The following LRRTM4 variants were observed in gnomAD, a reference collection of about 807,000 sequenced individuals.
LRRTM4 encodes leucine rich repeat transmembrane neuronal 4, also known as leucine-rich repeat transmembrane neuronal protein 4.
LRRTM4 carries 25 observed loss-of-function variants against 47.6 expected under a neutral mutation model. The observed-to-expected ratio is 0.53, with a 90% confidence interval of 0.38 to 0.73. The LOEUF is 0.73. Among genes scored for constraint, LRRTM4 ranks in the 30% least tolerant of loss-of-function variants. The pLI, the probability that LRRTM4 is intolerant of heterozygous loss-of-function variation, is 0.00. For synonymous variants in LRRTM4, 311 were observed against 269.5 expected (o/e 1.15, Z -1.51); for missense variants, 638 against 713.4 (o/e 0.89, Z 1.20).
intron 3 of LRRTM4, among the ~76,000 whole-genome samples, chr2:76,962,428 C>A (rs963491702): frequency 6.6e-6 from 1 of 150,804 alleles, no homozygotes. Context: ...TAACAATATA[C>A]TATCTAGATA....
Position 77,519,005 on chromosome 2 carries a change from C to A in LRRTM4, c.864G>T (p.Lys288Asn). 1 of 1,611,710 alleles carries A rather than the reference C, an allele frequency of 6.2e-7. No individual in the cohort carries two copies. ...NLQKLNLDSN[K>N]LTNISQETVN... ...CAGTTTCCTGTGAGATATTGGTGAGCTTGTTGGAATCCAAATTCAATTTTT... is the reference window on the plus strand; with the variant it reads ...CAGTTTCCTGTGAGATATTGGTGAGATTGTTGGAATCCAAATTCAATTTTT... Residue 288 changes from lysine to asparagine, a missense_variant, in exon 3 of 4, where the codon AAG becomes AAT. Coordinates refer to ENST00000409884, the MANE Select transcript of LRRTM4 (RefSeq NM_001134745.3). This position sits in a 1 kb window ranked among gnomAD's most constrained non-coding sequence, Gnocchi z 4.6.
At chr2:76,989,294 T>C (rs1392367917) in intron 3 of LRRTM4, among the ~76,000 whole-genome samples, 3 of 151,774 alleles carry the variant, frequency 2.0e-5, no homozygotes, top group Non-Finnish European at 4.4e-5. Flanking sequence ...ACTTCCCAAA[T>C]TGCTACTAGT....
intron 3 of LRRTM4, among the ~76,000 whole-genome samples, chr2:77,056,969 A>G (rs1200885688): frequency 6.6e-6 from 1 of 152,222 alleles, no homozygotes; most frequent in Non-Finnish European, 1.5e-5. Context: ...GTGCAAAATC[A>G]GGCCTACCAC....
intron 3 of LRRTM4, among the ~76,000 whole-genome samples, chr2:77,249,849 C>G (rs1001582844): frequency 1.3e-5 from 2 of 152,114 alleles, no homozygotes; most frequent in Admixed American, 1.3e-4. Context: ...AACTTACATC[C>G]ACAGAAAAAT....
intron 3 of LRRTM4, among the ~76,000 whole-genome samples, chr2:77,212,635 T>C (rs141354832): frequency 1.3e-5 from 2 of 151,778 alleles, no homozygotes; most frequent in African/African-American, 4.8e-5. Flanking sequence ...AGATGAACTG[T>C]CTTACACCAA....
chr2:77,232,724 A>T (rs1674999597), intron 3 of LRRTM4, among the ~76,000 whole-genome samples: 1 of 152,254 alleles, frequency 6.6e-6, no homozygotes, highest in Non-Finnish European at 1.5e-5. Flanking sequence ...TGTTGCAAAC[A>T]GTCAATACTT....
Position 77,518,690 on chromosome 2 carries a change from G to A in LRRTM4, c.1179C>T (p.Asp393=), listed in dbSNP as rs200395825. The A allele has an allele frequency of 5.6e-6, 9 of 1,613,292 alleles. No individual in the cohort carries two copies. The highest frequency in any genetic ancestry group is 1.1e-5 in the South Asian group (1 of 91,070). ...IIPRPTIFKP[D]VTQSTFETPS... ...GTGTTTCAAAGGTGGATTGGGTGAC[G>A]TCAGGTTTGAAGATGGTAGGTCTAG... Residue 393 remains aspartate, a synonymous_variant, in exon 3 of 4, where the codon GAC becomes GAT. Coordinates refer to ENST00000409884, the MANE Select transcript of LRRTM4 (RefSeq NM_001134745.3).
chr2:76,873,094 C>T (rs1186685712), intron 3 of LRRTM4, among the ~76,000 whole-genome samples: 1 of 152,092 alleles, frequency 6.6e-6, no homozygotes, highest in African/African-American at 2.4e-5. Context: ...AACAACACAA[C>T]TGAACTAAGA....
At chr2:76,961,555 T>C (rs1675861307) in intron 3 of LRRTM4, among the ~76,000 whole-genome samples, 1 of 151,382 alleles carries the variant, frequency 6.6e-6, no homozygotes. Context: ...AAAAGAAGCA[T>C]CCTGGGCAAC....
intron 3 of LRRTM4, among the ~76,000 whole-genome samples, chr2:76,759,492 C>G (rs1308391419): frequency 1.3e-5 from 2 of 152,120 alleles, no homozygotes; most frequent in Non-Finnish European, 2.9e-5. Context: ...TACAGGGACA[C>G]TCTTAAGCCA....
chr2:76,826,147 A>C (rs566441065), intron 3 of LRRTM4, among the ~76,000 whole-genome samples: 2 of 151,760 alleles, frequency 1.3e-5, no homozygotes, highest in Non-Finnish European at 2.9e-5. Context: ...AGAGGACCAC[A>C]GAAATGTCAT....
intron 3 of LRRTM4, among the ~76,000 whole-genome samples, chr2:77,220,545 C>T (rs966900303): frequency 1.3e-5 from 2 of 152,128 alleles, no homozygotes; most frequent in African/African-American, 4.8e-5. Flanking sequence ...AGCACCAGAA[C>T]TACATGATGA....
intron 3 of LRRTM4, among the ~76,000 whole-genome samples, chr2:77,400,213 CT>C (rs1264718546): frequency 2.6e-5 from 4 of 151,184 alleles, no homozygotes; most frequent in Admixed American, 6.6e-5. Context: ...ATACCGTATT[CT>C]TTTTTTTCTC....
intron 3 of LRRTM4, among the ~76,000 whole-genome samples, chr2:76,800,547 G>C (rs1243415082): frequency 1.4e-5 from 2 of 146,780 alleles, no homozygotes; most frequent in African/African-American, 5.1e-5. Flanking sequence ...GCATGGGCAA[G>C]GACTTCATGT....
intron 3 of LRRTM4, among the ~76,000 whole-genome samples, chr2:77,103,368 T>A (rs189494168): frequency 6.6e-6 from 1 of 152,114 alleles, no homozygotes; most frequent in Non-Finnish European, 1.5e-5. Flanking sequence ...CAAATCCAAA[T>A]TTTTCCATCT....
At chr2:76,926,030 T>C (rs760438222) in intron 3 of LRRTM4, among the ~76,000 whole-genome samples, 2 of 152,164 alleles carry the variant, frequency 1.3e-5, no homozygotes, top group Non-Finnish European at 2.9e-5. Flanking sequence ...TTCCAACTGC[T>C]ATGCTTATAA....
At chr2:77,232,445 T>C (rs1674991049) in intron 3 of LRRTM4, among the ~76,000 whole-genome samples, 1 of 152,232 alleles carries the variant, frequency 6.6e-6, no homozygotes, top group African/African-American at 2.4e-5. Flanking sequence ...CTACAGAGCA[T>C]GATACAAAAT....
At chr2:77,365,116 A>G (rs1480701336) in intron 3 of LRRTM4, among the ~76,000 whole-genome samples, 2 of 152,092 alleles carry the variant, frequency 1.3e-5, no homozygotes, top group African/African-American at 4.8e-5. Flanking sequence ...TAAAAGAGTA[A>G]CATCTTCTCT....
At chr2:77,313,520 C>G (rs538514030) in intron 3 of LRRTM4, among the ~76,000 whole-genome samples, 2 of 147,868 alleles carry the variant, frequency 1.4e-5, no homozygotes, top group South Asian at 4.4e-4. Context: ...TTCCTCCCTA[C>G]GTTTTCCTGG....
Sources: gnomAD v4.1 joint callset for allele counts (sites outside exome capture counted in the v4.1 genomes callset) on GRCh38, gnomAD v4.1.1 for gene constraint, Gnocchi (gnomAD v3.1) non-coding constraint, MANE v1.5 for transcripts, NCBI Gene and HGNC (gene_info 2026-07-23, HGNC 2026-07-21) for gene names.